SRSF12: variants seen among roughly 807,000 people sequenced by gnomAD.
The protein encoded by SRSF12 is serine and arginine rich splicing factor 12.
In SRSF12, 21 loss-of-function variants were observed where a neutral mutation model predicts 34.1. That is an observed-to-expected ratio of 0.62 (90% CI 0.44 to 0.89). SRSF12 has a LOEUF of 0.89. Among genes scored for constraint, SRSF12 ranks in the 40% least tolerant of loss-of-function variants. The pLI, the probability that SRSF12 is intolerant of heterozygous loss-of-function variation, is 0.00. For synonymous variants in SRSF12, 111 were observed against 110.8 expected, an observed-to-expected ratio of 1.00 and a Z score of -0.01; for missense variants, 278 against 327.8, an observed-to-expected ratio of 0.85 and a Z score of 1.17.
At chr6:89,104,964 G>A (rs1480390691) in intron 4 of SRSF12, among the ~76,000 whole-genome samples, 155 bp downstream of exon 4, 1 of 152,060 alleles carries the variant, frequency 6.6e-6, no homozygotes, top group Non-Finnish European at 1.5e-5. Flanking sequence ...GCTGAGGTGA[G>A]AAAATTGCTT....
Position 89,098,101 on chromosome 6 carries a change from T to TATCC in SRSF12, c.*473_*476dup. On this transcript the variant is annotated 3_prime_UTR_variant, in exon 5 of 5. Coordinates refer to ENST00000452027, the MANE Select transcript of SRSF12 (RefSeq NM_080743.5). ...ATCAGAATTTTGTAATATGAACTAA[T>TATCC]ATCCACCAGGAATTGGCCCAAGTTT... The TATCC allele has an allele frequency of 6.5e-6, 1 of 152,960 alleles. No homozygotes were observed. Among genetic ancestry groups the TATCC allele is most frequent in the South Asian group, 2.1e-4 (1 of 4,848 alleles). The allele number at this position is 152,960 out of a possible 1,614,324, so 9.5% of individuals were successfully genotyped here.
At chr6:89,117,209 G>C (rs188246400) in intron 1 of SRSF12, among the ~76,000 whole-genome samples, 2 of 152,274 alleles carry the variant, frequency 1.3e-5, no homozygotes, top group South Asian at 4.1e-4. Context: ...GTTAATACTG[G>C]ACTCAGAACT....
chr6:89,114,854 T>A (rs1430308323), intron 1 of SRSF12, among the ~76,000 whole-genome samples: 1 of 152,152 alleles, frequency 6.6e-6, no homozygotes, highest in Non-Finnish European at 1.5e-5. Context: ...TGGAGTGCAA[T>A]GGTACTATCT....
At position 89,098,885 on chromosome 6, in the gene SRSF12, C is replaced by G. The variant is rs754200150; in HGVS notation, c.479G>C (p.Arg160Pro). 18 of 1,613,646 alleles carry G rather than the reference C, an allele frequency of 1.1e-5. No individual in the cohort carries two copies. Among genetic ancestry groups the G allele is most frequent in the South Asian group, 8.8e-5 (8 of 91,074 alleles). ...TCTTGACTGCCTTGCTGAGGTAGAC[C>G]GCCTTGGTAATGATTTGGAACGAGA... ...SKSRSKSLPR[R>P]STSARQSRTP... Residue 160 changes from arginine to proline, a missense_variant, in exon 5 of 5, where the codon CGG (arginine) becomes CCG (proline). By Grantham distance (103) the Arg-to-Pro change is moderately radical. Coordinates refer to ENST00000452027, the MANE Select transcript of SRSF12 (RefSeq NM_080743.5).
chr6:89,103,378 G>C (rs546877642), intron 4 of SRSF12, among the ~76,000 whole-genome samples: 1 of 151,496 alleles, frequency 6.6e-6, no homozygotes, highest in South Asian at 2.1e-4. Flanking sequence ...ACCCAGGCTG[G>C]AGAGCAGTGG....
Position 89,112,162 on chromosome 6 carries a change from C to T in SRSF12, c.66-4904G>A, listed in dbSNP as rs538469299. On this transcript the variant is annotated intron_variant, in intron 1 of 4. Coordinates refer to ENST00000452027, the MANE Select transcript of SRSF12 (RefSeq NM_080743.5). Reference sequence around the variant, plus strand: ...AGCTGGGATCCTCAGGTGAACCGCCCGCCTCGGCCTCCCAAAGTGCTGGAA... The same window carrying T: ...AGCTGGGATCCTCAGGTGAACCGCCTGCCTCGGCCTCCCAAAGTGCTGGAA... Among the ~76,000 whole-genome samples, 54 of 152,188 alleles carry T rather than the reference C, an allele frequency of 3.5e-4. No homozygotes were observed. In the South Asian group the frequency reaches 0.01, roughly 29 times the overall value.
At chr6:89,115,352 G>A (rs1769242091) in intron 1 of SRSF12, among the ~76,000 whole-genome samples, 2 of 152,012 alleles carry the variant, frequency 1.3e-5, no homozygotes, top group African/African-American at 4.8e-5. Context: ...CCTGATCTCG[G>A]CTCACTGCCA....
intron 1 of SRSF12, 117 bp downstream of exon 1, chr6:89,117,706 C>G (rs1225324680): frequency 6.6e-6 from 7 of 1,061,922 alleles, no homozygotes; most frequent in African/African-American, 3.4e-5. Flanking sequence ...AGCCTGGGCC[C>G]GCGGGGAGGC....
chr6:89,098,440 G>C lies in SRSF12; in HGVS notation c.*138C>G. 1.8e-6 allele frequency: 2 copies of C among 1,121,324 alleles called. No individual in the cohort carries two copies. Among genetic ancestry groups the C allele is most frequent in the Non-Finnish European group, 2.4e-6 (2 of 834,348 alleles). 69.5% of individuals were successfully genotyped at this position (1,121,324 alleles called of 1,614,324 possible). ...CCAAATTTTTATTAATCCAAAGCTA[G>C]AGATTTTATTTCTTCCATATGCCCA... is the stretch of plus-strand genomic sequence containing the variant. On this transcript the variant is annotated 3_prime_UTR_variant, in exon 5 of 5. Coordinates refer to ENST00000452027, the MANE Select transcript of SRSF12 (RefSeq NM_080743.5).
intron 1 of SRSF12, among the ~76,000 whole-genome samples, chr6:89,114,811 T>A (rs1769215809): frequency 6.6e-6 from 1 of 152,246 alleles, no homozygotes; most frequent in Non-Finnish European, 1.5e-5. Context: ...TTTTTTTAGT[T>A]TTTGAGACAG....
Position 89,117,845 on chromosome 6 carries a change from T to C in SRSF12, c.43A>G (p.Arg15Gly). The C allele has an allele frequency of 6.4e-7, 1 of 1,559,872 alleles. No individual in the cohort carries two copies. ...CACCTGGTGGCGTCCGCGACGTTCC[T>C]GATGAACAGGGAGGTGTTGGGGGGC... Reference protein sequence around the residue: ...TRPPNTSLFIRNVADATRPED... With the variant: ...TRPPNTSLFIGNVADATRPED... The change falls in exon 1 of 5, where the codon AGG becomes GGG. Residue 15 changes from arginine to glycine, a missense_variant. Transcript: ENST00000452027.
intron 1 of SRSF12, among the ~76,000 whole-genome samples, chr6:89,108,219 A>G (rs1768883667): frequency 6.6e-6 from 1 of 152,214 alleles, no homozygotes; most frequent in Non-Finnish European, 1.5e-5. Context: ...TGGAGCTACA[A>G]TTTAACTGAA....
chr6:89,099,080 T>C (rs1389131140), intron 4 of SRSF12, 133 bp from the exon 5 acceptor site: 51 of 1,145,220 alleles, frequency 4.5e-5, no homozygotes, highest in Non-Finnish European at 1.8e-5. Context: ...AAATTTCTCA[T>C]TTTATTATGC....
rs1369929154 is a variant in SRSF12, at chr6:89,096,522, A to ATAGG, written c.*2055_*2056insCCTA. On this transcript the variant is annotated 3_prime_UTR_variant, in exon 5 of 5. Coordinates refer to ENST00000452027, the MANE Select transcript of SRSF12 (RefSeq NM_080743.5). Reference sequence around the variant, plus strand: ...TCATCAAACCAAATGGTATCCTCCTAAGCAGCCCAGGGATTACAATGACAA... The same window carrying ATAGG: ...TCATCAAACCAAATGGTATCCTCCTATAGGAGCAGCCCAGGGATTACAATGACAA... 2 of 152,232 alleles carry ATAGG rather than the reference A, an allele frequency of 1.3e-5. No individual in the cohort carries two copies. The highest frequency in any genetic ancestry group is 2.9e-5 in the Non-Finnish European group (2 of 68,056). 9.4% of individuals were successfully genotyped at this position (152,232 alleles called of 1,614,324 possible).
chr6:89,099,478 A>G (rs1768430040), intron 4 of SRSF12, among the ~76,000 whole-genome samples: 2 of 141,920 alleles, frequency 1.4e-5, no homozygotes, highest in Admixed American at 6.9e-5. Context: ...GTGTATATAT[A>G]TATGTGTGTG....
chr6:89,104,439 T>C (rs1007660617), intron 4 of SRSF12, among the ~76,000 whole-genome samples: 6 of 152,000 alleles, frequency 3.9e-5, no homozygotes, highest in East Asian at 3.9e-4. Context: ...GGTTTCATCA[T>C]GTTGGTCAGT....
At chr6:89,105,858 C>T (rs1768758849) in intron 2 of SRSF12, 1 of 159,148 alleles carries the variant, frequency 6.3e-6, no homozygotes, top group Non-Finnish European at 1.4e-5. Context: ...ATTTGGCTAG[C>T]ATTATAAAAT....
intron 4 of SRSF12, among the ~76,000 whole-genome samples, chr6:89,101,439 C>T (rs1179698196): frequency 1.3e-5 from 2 of 151,866 alleles, no homozygotes; most frequent in African/African-American, 2.4e-5. Flanking sequence ...ATCTGAAAAC[C>T]GGCCGGGTGC....
intron 4 of SRSF12, among the ~76,000 whole-genome samples, chr6:89,103,991 C>CTTTTTTTTTTTT (rs55760020): frequency 3.7e-5 from 3 of 81,950 alleles, no homozygotes; most frequent in African/African-American, 9.4e-5. Flanking sequence ...TATTATATTT[C>CTTTTTTTTTTTT]TTTTTTTTTT....
Sources: gnomAD v4.1 joint callset for allele counts (sites outside exome capture counted in the v4.1 genomes callset) on GRCh38, gnomAD v4.1.1 for gene constraint, MANE v1.5 for transcripts, NCBI Gene and HGNC (gene_info 2026-07-23, HGNC 2026-07-21) for gene names.